The following PACRG variants were observed in gnomAD, a reference collection of about 807,000 sequenced individuals.
PACRG encodes the protein parkin coregulated.
A neutral mutation model predicts 29.7 loss-of-function variants in PACRG; 29 were observed. The ratio of observed to expected loss-of-function variants is 0.98; its 90% CI spans 0.73 to 1.33. The LOEUF is 1.33. PACRG is among the 40% of genes most tolerant of loss of function. PACRG has a pLI of 0.00. For synonymous variants in PACRG, 116 were observed against 118.7 expected (o/e 0.98, Z 0.15); for missense variants, 279 against 316.2 (o/e 0.88, Z 0.89).
chr6:163,266,394 G>A (rs7742062), intron 4 of PACRG, among the ~76,000 whole-genome samples: 90,705 of 151,670 alleles, frequency 0.6, 27,388 homozygotes, highest in Middle Eastern at 0.69. Flanking sequence ...GATTTTACTG[G>A]CTTACTGTCC....
At chr6:162,747,337 T>TACATACATAC (rs1781078995) in intron 1 of PACRG, among the ~76,000 whole-genome samples, 1 of 67,538 alleles carries the variant, frequency 1.5e-5, no homozygotes, top group South Asian at 7.5e-4. Flanking sequence ...TATATATATA[T>TACATACATAC]ATATATATAT....
chr6:162,759,345 A>G (rs1393219500), intron 1 of PACRG, among the ~76,000 whole-genome samples: 3 of 152,172 alleles, frequency 2.0e-5, no homozygotes, highest in East Asian at 1.9e-4. Context: ...AAGTACATCT[A>G]TGTGAGCCGT....
At chr6:162,738,193 A>G (rs890029110) in intron 1 of PACRG, among the ~76,000 whole-genome samples, 4 of 152,192 alleles carry the variant, frequency 2.6e-5, no homozygotes, top group African/African-American at 9.7e-5. Flanking sequence ...TAATGAATAT[A>G]TATGTATTCG....
chr6:162,900,066 C>CT (rs1795448298), intron 2 of PACRG, among the ~76,000 whole-genome samples: 1 of 152,020 alleles, frequency 6.6e-6, no homozygotes, highest in African/African-American at 2.4e-5. Flanking sequence ...TATGGTCAGA[C>CT]CGGAACATCG....
At chr6:162,912,663 C>T (rs945604156) in intron 2 of PACRG, among the ~76,000 whole-genome samples, 1 of 150,270 alleles carries the variant, frequency 6.7e-6, no homozygotes, top group Admixed American at 6.7e-5. Flanking sequence ...CCTCTGACTT[C>T]CTGGTTCAAG....
At chr6:162,929,238 T>C (rs1797672273) in intron 2 of PACRG, among the ~76,000 whole-genome samples, 1 of 151,998 alleles carries the variant, frequency 6.6e-6, no homozygotes, top group Non-Finnish European at 1.5e-5. Context: ...CCCCCAACAG[T>C]GTAAAGAGTT....
At chr6:162,735,853 C>T (rs1161797522) in intron 1 of PACRG, among the ~76,000 whole-genome samples, 3 of 151,952 alleles carry the variant, frequency 2.0e-5, no homozygotes, top group South Asian at 2.1e-4. Flanking sequence ...TACATTAAGA[C>T]ACATGACTTG....
chr6:163,137,073 G>A (rs1472840866), intron 4 of PACRG, among the ~76,000 whole-genome samples: 2 of 152,156 alleles, frequency 1.3e-5, no homozygotes, highest in Admixed American at 6.5e-5. Context: ...TAAGCACAGA[G>A]ATTTTGTGAT....
At chr6:163,214,721 G>A (rs1207149404) in intron 4 of PACRG, among the ~76,000 whole-genome samples, 2 of 151,822 alleles carry the variant, frequency 1.3e-5, no homozygotes, top group Non-Finnish European at 1.5e-5. Flanking sequence ...TTCTCTTTAT[G>A]TTTTCAGGTT....
intron 2 of PACRG, among the ~76,000 whole-genome samples, chr6:162,918,760 A>G (rs1380910298): frequency 6.6e-6 from 1 of 152,232 alleles, no homozygotes; most frequent in African/African-American, 2.4e-5. Flanking sequence ...ACCCCAAAGC[A>G]GGCTTGGCCA....
chr6:162,930,870 A>G (rs1020267504), intron 2 of PACRG, among the ~76,000 whole-genome samples: 4 of 151,918 alleles, frequency 2.6e-5, no homozygotes, highest in Non-Finnish European at 1.5e-5. Context: ...AATATGATGT[A>G]TCACATTTAT....
intron 4 of PACRG, among the ~76,000 whole-genome samples, chr6:163,272,263 T>G (rs540388733): frequency 3.3e-5 from 5 of 152,312 alleles, no homozygotes; most frequent in South Asian, 4.1e-4. Flanking sequence ...GGTCTTGAAC[T>G]CCTGACCTCA....
intron 1 of PACRG, among the ~76,000 whole-genome samples, chr6:162,809,534 A>T (rs1786653927): frequency 6.6e-6 from 1 of 152,246 alleles, no homozygotes; most frequent in African/African-American, 2.4e-5. Context: ...ATTTATGAAT[A>T]GCCTTCTAAG....
In PACRG at chr6:163,175,744, AAGGAGGAGG is replaced by A. The variant is rs3061922; in HGVS notation, c.613+86366_613+86374del. Among the ~76,000 whole-genome samples, 1,094 of 136,916 alleles carry A rather than the reference AAGGAGGAGG, an allele frequency of 8.0e-3. 14 individuals are homozygous for A. The highest frequency in any genetic ancestry group is 0.029 in the African/African-American group (1,003 of 34,760). 89.8% of individuals were successfully genotyped at this position (136,916 alleles called of 152,430 possible). On this transcript the variant is annotated intron_variant, in intron 4 of 4. Transcript: ENST00000366888. ...AGGGAGATCTGAGCAGCACCTGTCA[AAGGAGGAGG>A]AGGAGGAGGAGGAGGAGGAGGAGGA...
At chr6:163,188,400 C>T (rs1322895384) in intron 4 of PACRG, among the ~76,000 whole-genome samples, 1 of 152,130 alleles carries the variant, frequency 6.6e-6, no homozygotes. Flanking sequence ...TCTATTTAAG[C>T]CCCCGAAGCT....
intron 2 of PACRG, among the ~76,000 whole-genome samples, chr6:162,870,014 T>C (rs1792662941): frequency 6.6e-6 from 1 of 152,204 alleles, no homozygotes; most frequent in Non-Finnish European, 1.5e-5. Context: ...GCTAGAAGAC[T>C]CATTAAAAGA....
intron 3 of PACRG, among the ~76,000 whole-genome samples, chr6:163,067,133 T>A (rs532898): frequency 2.0e-4 from 31 of 151,962 alleles, no homozygotes; most frequent in African/African-American, 7.0e-4. Context: ...TGAACAGCCT[T>A]CCTGCTGTAG....
chr6:162,948,085 G>A (rs531014030), intron 2 of PACRG, among the ~76,000 whole-genome samples: 7 of 151,926 alleles, frequency 4.6e-5, no homozygotes, highest in South Asian at 2.1e-4. Flanking sequence ...CTGAATAGCC[G>A]AAGCAATCCT....
intron 1 of PACRG, among the ~76,000 whole-genome samples, chr6:162,773,337 G>T (rs1783367773): frequency 6.6e-6 from 1 of 151,930 alleles, no homozygotes; most frequent in Admixed American, 6.6e-5. Flanking sequence ...ATTATAGCTT[G>T]CTTTTCAAAA....
Sources: allele counts gnomAD v4.1 joint callset (sites outside exome capture counted in the v4.1 genomes callset), GRCh38; gene constraint gnomAD v4.1.1; transcripts MANE v1.5; gene names NCBI Gene and HGNC (gene_info 2026-07-23, HGNC 2026-07-21).